TNXB: variants seen among roughly 807,000 people sequenced by gnomAD.
TNXB encodes tenascin-X.
In TNXB, 183 loss-of-function variants were observed where a neutral mutation model predicts 340.5. That is an observed-to-expected ratio of 0.54 (90% CI 0.48 to 0.61). The LOEUF (loss-of-function observed/expected upper bound fraction) is 0.61, where lower values mean the gene tolerates loss of function less well. Among genes scored for constraint, TNXB ranks in the 20% least tolerant of loss-of-function variants. TNXB has a pLI of 0.00. For synonymous variants in TNXB, 2,121 were observed against 2,314.5 expected (o/e 0.92, Z 2.40); for missense variants, 4,613 against 5,446.4 (o/e 0.85, Z 4.82).
rs1779413810 is a variant in TNXB at position 32,081,354 on chromosome 6, C to A, written c.4042+14G>T. 1 of 1,523,400 alleles carries A rather than the reference C, an allele frequency of 6.6e-7. No individual in the cohort carries two copies. 94.4% of individuals were successfully genotyped at this position (1,523,400 alleles called of 1,614,324 possible). On this transcript the variant is annotated intron_variant, in intron 10 of 43. Transcript: ENST00000644971. The surrounding 1 kb of genome is among the most constrained non-coding windows in gnomAD (Gnocchi z 5.1). The stretch of plus-strand genomic sequence containing the variant: ...GGGCTAGCAGGGGAGGGAGGCCTGG[C>A]AGCCATGACTCACCAGTCTTGGCCA...
rs200076970 is a variant in TNXB at position 32,049,253 on chromosome 6, C to A, written c.9757+17G>T. On this transcript the variant is annotated intron_variant, in intron 28 of 43. Coordinates refer to ENST00000644971, the MANE Select transcript of TNXB (RefSeq NM_001365276.2). This position sits in a 1 kb window ranked among gnomAD's most constrained non-coding sequence, Gnocchi z 4.5. ...GCAGAGGTAAACCTGGGGACGAGGG[C>A]CTGTCCCCCCACTCACCCGTGATGC... The A allele has an allele frequency of 3.7e-6, 6 of 1,602,274 alleles. No homozygotes were observed. The South Asian group carries it at 6.6e-5, about 18-fold the overall frequency.
rs1779545070 is a variant in TNXB at position 32,082,722 on chromosome 6, GCTT to G, written c.3446-399_3446-397del. ...TGCTTCCAAGCCTAACTACTAGCTGGCTTCTTCTCCAAGAGAGGAGAGCACAAT... is the reference window on the plus strand; with the variant it reads ...TGCTTCCAAGCCTAACTACTAGCTGGCTTCTCCAAGAGAGGAGAGCACAAT... On this transcript the variant is annotated intron_variant, in intron 8 of 43. Coordinates refer to ENST00000644971, the MANE Select transcript of TNXB (RefSeq NM_001365276.2). The surrounding 1 kb of genome is among the most constrained non-coding windows in gnomAD (Gnocchi z 5.0). Among the ~76,000 whole-genome samples, 1 of 152,108 alleles carries G rather than the reference GCTT, an allele frequency of 6.6e-6. No individual in the cohort carries two copies. Among genetic ancestry groups the G allele is most frequent in the African/African-American group, 2.4e-5 (1 of 41,410 alleles).
intron 1 of TNXB, among the ~76,000 whole-genome samples, chr6:32,101,320 T>A (rs1400470948): frequency 6.6e-6 from 1 of 152,036 alleles, no homozygotes; most frequent in Non-Finnish European, 1.5e-5. Flanking sequence ...GATGGAGTCT[T>A]GCTCTTTCGC....
chr6:32,062,430 CA>C lies in TNXB; in HGVS notation c.6894del (p.Glu2299AsnfsTer11). On this transcript the variant is annotated frameshift_variant, in exon 20 of 44. Transcript: ENST00000644971. LOFTEE classifies it high-confidence loss of function. This position sits in a 1 kb window ranked among gnomAD's most constrained non-coding sequence, Gnocchi z 4.3. The part of the protein sequence containing the change: ...MAPASTEPPT[P>X]EPPIKPRLEE... ...TCCAGGCGAGGCTTGATGGGGGGTT[CA>C]GGGGTGGGAGGTTCTGTCGAGGCTG... 1.2e-6 allele frequency: 2 copies of C among 1,612,556 alleles called. No individual in the cohort carries two copies. The highest frequency in any genetic ancestry group is 1.7e-6 in the Non-Finnish European group (2 of 1,179,526).
chr6:32,092,637 C>T (rs1173163567), intron 4 of TNXB, among the ~76,000 whole-genome samples: 1 of 151,134 alleles, frequency 6.6e-6, no homozygotes, highest in Non-Finnish European at 1.5e-5. Flanking sequence ...TTGCAGTGAG[C>T]CGAGATTGCG....
chr6:32,070,182 G>A lies in TNXB; in HGVS notation c.5223C>T (p.Leu1741=). 3 of 1,610,356 alleles carry A rather than the reference G, an allele frequency of 1.9e-6. No homozygotes were observed. Among genetic ancestry groups the A allele is most frequent in the Non-Finnish European group, 2.5e-6 (3 of 1,178,244 alleles). Residue 1741 remains leucine, a synonymous_variant, in exon 14 of 44, where the codon CTC becomes CTT. Transcript: ENST00000644971. This position sits in a 1 kb window ranked among gnomAD's most constrained non-coding sequence, Gnocchi z 6.0. ...LDAGRKYRFL[L]YGLLGKKRHG... ...GGCGCTTCTTGCCCAGGAGGCCATA[G>A]AGGAGGAATCTGTACTTGCGGCCGG...
At chr6:32,091,075 G>A (rs1582463278) in intron 4 of TNXB, among the ~76,000 whole-genome samples, 1 of 152,148 alleles carries the variant, frequency 6.6e-6, no homozygotes, top group Admixed American at 6.6e-5. Flanking sequence ...TGTCTCCTAC[G>A]TCTCCTAGCA....
chr6:32,048,572 C>T lies in TNXB; in HGVS notation c.9836G>A (p.Gly3279Asp). The T allele has an allele frequency of 6.5e-7, 1 of 1,549,802 alleles. No individual in the cohort carries two copies. The highest frequency in any genetic ancestry group is 8.7e-7 in the Non-Finnish European group (1 of 1,145,562). Residue 3279 changes from glycine (G) to aspartate (D), a missense_variant, in exon 29 of 44, where the codon GGC becomes GAC. Physicochemically the swap from Gly to Asp is moderately conservative, Grantham distance 94 (BLOSUM62 -1). Transcript: ENST00000644971. Reference sequence around the variant, plus strand: ...GCCCTGGGCCACCGTCCATGAGAGGCCCACTGAGTCCGAGGTCACGGCCGC... The same window carrying T: ...GCCCTGGGCCACCGTCCATGAGAGGTCCACTGAGTCCGAGGTCACGGCCGC... ...AVAAVTSDSV[G>D]LSWTVAQGPF... is the part of the protein sequence containing the mutation.
rs1386712955 is a variant in TNXB, at chr6:32,049,778, G to C, written c.9440-191C>G. ...TTCCAGGGTCAGCTGTGGGGGACCT[G>C]GCACAGCCACCAGCACAGCAAAACT... On this transcript the variant is annotated intron_variant, in intron 27 of 43. Coordinates refer to ENST00000644971, the MANE Select transcript of TNXB (RefSeq NM_001365276.2). This position sits in a 1 kb window ranked among gnomAD's most constrained non-coding sequence, Gnocchi z 4.5. 6.6e-6 allele frequency among the ~76,000 whole-genome samples: 1 copy of C among 152,156 alleles called. No homozygotes were observed. Among genetic ancestry groups the C allele is most frequent in the Non-Finnish European group, 1.5e-5 (1 of 68,008 alleles).
At chr6:32,101,280 G>A (rs925152340) in intron 1 of TNXB, among the ~76,000 whole-genome samples, 23 of 151,746 alleles carry the variant, frequency 1.5e-4, no homozygotes, top group African/African-American at 4.1e-4. Flanking sequence ...ACAGGCATGC[G>A]CCACATGCCC....
At chr6:32,093,326 T>A (rs985608077) in intron 4 of TNXB, 1 of 689,184 alleles carries the variant, frequency 1.5e-6, no homozygotes, top group South Asian at 1.5e-5. Context: ...AGTATTTTTA[T>A]AACAACAACA....
chr6:32,042,087 G>C lies in TNXB; in HGVS notation c.12394C>G (p.Gln4132Glu). 1.8e-6 allele frequency: 1 copy of C among 564,128 alleles called. No homozygotes were observed. Among genetic ancestry groups the C allele is most frequent in the South Asian group, 1.8e-5 (1 of 54,330 alleles). 34.9% of individuals were successfully genotyped at this position (564,128 alleles called of 1,614,324 possible). ...GAGTCTACGTGGAAGGAGTCGTACT[G>C]GGCGAACACAGCCTCGTCCCCAGCC... ...LRAGDEAVFA[Q>E]YDSFHVDSAA... Residue 4132 changes from glutamine to glutamate, a missense_variant, in exon 42 of 44, where the codon CAG becomes GAG. Gln to Glu is a conservative substitution (Grantham distance 29). Coordinates refer to ENST00000644971, the MANE Select transcript of TNXB (RefSeq NM_001365276.2).
At position 32,079,747 on chromosome 6, in the gene TNXB, G is replaced by A. The variant is rs1241938308; in HGVS notation, c.4043-382C>T. Among the ~76,000 whole-genome samples the A allele has an allele frequency of 2.0e-5, 3 of 152,164 alleles. No homozygotes were observed. The highest frequency in any genetic ancestry group is 4.4e-5 in the Non-Finnish European group (3 of 68,028). ...ACCCCTCATATGAGGATCTGACCATGGAATGTGCTCTTGCTGTGGCCTCCC... is the reference window on the plus strand; with the variant it reads ...ACCCCTCATATGAGGATCTGACCATAGAATGTGCTCTTGCTGTGGCCTCCC... On this transcript the variant is annotated intron_variant, in intron 10 of 43. Coordinates refer to ENST00000644971, the MANE Select transcript of TNXB (RefSeq NM_001365276.2). This position sits in a 1 kb window ranked among gnomAD's most constrained non-coding sequence, Gnocchi z 7.1.
rs1777447093 is a variant in TNXB, at chr6:32,053,666, G to A, written c.8513C>T (p.Thr2838Ile). ...GCGAGGCTTGTTGGGGGGCTCAGGG[G>A]TTGTGGTGGGCACTGCTTGGGTGGT... Reference protein sequence around the residue: ...AETTQAVPTTTPEPPNKPRLG... With the variant: ...AETTQAVPTTIPEPPNKPRLG... Residue 2838 changes from threonine to isoleucine, a missense_variant, in exon 25 of 44, where the codon ACC becomes ATC. Thr to Ile is a moderately conservative substitution (Grantham distance 89). Around this residue, in one of 7 missense-constraint regions of TNXB, gnomAD observed 4,327 missense variants for 4,859.4 expected, o/e 0.89. Coordinates refer to ENST00000644971, the MANE Select transcript of TNXB (RefSeq NM_001365276.2). 1.2e-5 allele frequency: 20 copies of A among 1,613,308 alleles called. No individual in the cohort carries two copies. The highest frequency in any genetic ancestry group is 1.7e-5 in the Non-Finnish European group (20 of 1,179,798).
In TNXB at chr6:32,062,296, C is replaced by A; in HGVS notation, c.7029G>T (p.Gln2343His). The change falls in exon 20 of 44, where the codon CAG becomes CAT. Residue 2343 changes from glutamine to histidine, a missense_variant. Around this residue, in one of 7 missense-constraint regions of TNXB, gnomAD observed 4,327 missense variants for 4,859.4 expected, o/e 0.89. Transcript: ENST00000644971. The surrounding 1 kb of genome is among the most constrained non-coding windows in gnomAD (Gnocchi z 4.3). ...FLVQYKNGDG[Q>H]PKATRVPGHE... ...GTCCTGGCACCCGTGTTGCCTTGGG[C>A]TGCCCATCCCCATTCTTGTACTGGA... is the stretch of plus-strand genomic sequence containing the variant. The A allele has an allele frequency of 6.2e-7, 1 of 1,613,482 alleles. No homozygotes were observed. The highest frequency in any genetic ancestry group is 8.5e-7 in the Non-Finnish European group (1 of 1,179,854).
chr6:32,059,064 G>A (rs925297277), intron 21 of TNXB, among the ~76,000 whole-genome samples: 3 of 151,804 alleles, frequency 2.0e-5, no homozygotes, highest in African/African-American at 7.3e-5. Flanking sequence ...CTTGTTTTCT[G>A]TTTTTCAAGC....
At position 32,072,077 on chromosome 6, in the gene TNXB, G is replaced by C; in HGVS notation, c.4903C>G (p.Leu1635Val). The change falls in exon 13 of 44, where the codon CTG (leucine) becomes GTG (valine). Residue 1635 changes from leucine (L) to valine (V), a missense_variant. Physicochemically the swap from Leu to Val is conservative, Grantham distance 32. Coordinates refer to ENST00000644971, the MANE Select transcript of TNXB (RefSeq NM_001365276.2). This position sits in a 1 kb window ranked among gnomAD's most constrained non-coding sequence, Gnocchi z 4.4. ...ADQREVTIPD[L>V]EPSRKYKFLL... ...AACTTGTACTTGCGGGAGGGTTCCA[G>C]GTCAGGGATAGTGACCTCCCGCTGA... 6.2e-7 allele frequency: 1 copy of C among 1,613,078 alleles called. No individual in the cohort carries two copies. Among genetic ancestry groups the C allele is most frequent in the South Asian group, 1.1e-5 (1 of 90,914 alleles).
rs1778117761 is a variant in TNXB at position 32,062,968 on chromosome 6, T to C, written c.6842-485A>G. ...TACTCAGGAGGCTGAGGCAGGAGAA[T>C]GGCATGAACCCAGGAGGCGGAGCTT... On this transcript the variant is annotated intron_variant, in intron 19 of 43. Coordinates refer to ENST00000644971, the MANE Select transcript of TNXB (RefSeq NM_001365276.2). This position sits in a 1 kb window ranked among gnomAD's most constrained non-coding sequence, Gnocchi z 4.3. Among the ~76,000 whole-genome samples, 1 of 151,440 alleles carries C rather than the reference T, an allele frequency of 6.6e-6. No individual in the cohort carries two copies. Among genetic ancestry groups the C allele is most frequent in the Admixed American group, 6.6e-5 (1 of 15,206 alleles).
chr6:32,098,859 G>C (rs1378706855), intron 1 of TNXB, among the ~76,000 whole-genome samples: 1 of 152,146 alleles, frequency 6.6e-6, no homozygotes, highest in African/African-American at 2.4e-5. Context: ...TGTTCCCTAT[G>C]TCTGGGATGC....
Sources: gnomAD v4.1 joint callset for allele counts (sites outside exome capture counted in the v4.1 genomes callset) on GRCh38, gnomAD v4.1.1 for gene constraint, gnomAD v4.1.1 regional missense constraint, Gnocchi (gnomAD v3.1) non-coding constraint, MANE v1.5 for transcripts, NCBI Gene and HGNC (gene_info 2026-07-23, HGNC 2026-07-21) for gene names.